CACNA1B: variants seen among roughly 807,000 people sequenced by gnomAD.
CACNA1B encodes voltage-dependent N-type calcium channel subunit alpha-1B.
Under a neutral mutation model 247.2 loss-of-function variants are expected in CACNA1B, and 70 were observed. That is an observed-to-expected ratio of 0.28 (90% CI 0.23 to 0.35). The LOEUF (loss-of-function observed/expected upper bound fraction) is 0.35, where lower values mean the gene tolerates loss of function less well. Ranked by LOEUF, CACNA1B falls within the 10% of genes least tolerant of loss-of-function variation. The pLI is 1.00. For synonymous variants in CACNA1B, 1,231 were observed against 1,294.4 expected, an observed-to-expected ratio of 0.95 and a Z score of 1.05; for missense variants, 2,367 against 3,197.4, an observed-to-expected ratio of 0.74 and a Z score of 6.26.
At chr9:138,055,011 G>A (rs1260827943) in intron 26 of CACNA1B, among the ~76,000 whole-genome samples, 2 of 152,102 alleles carry the variant, frequency 1.3e-5, no homozygotes, top group African/African-American at 4.8e-5. Flanking sequence ...ATCATGTAAT[G>A]TTCTGGACAG....
chr9:138,049,119 T>G, intron 23 of CACNA1B, 90 bp from the exon 24 acceptor site: 1 of 862,812 alleles, frequency 1.2e-6, no homozygotes, highest in Admixed American at 1.8e-5. Context: ...CCTCCCCAAG[T>G]GCTGAGATTA....
rs1368762355 is a variant in CACNA1B, at chr9:138,023,385, C to T, written c.2642C>T (p.Ala881Val). Reference sequence around the variant, plus strand: ...AAGGCGGAGAGCGGGGAGCCCGGTGCCCGGGAGGAGCGGCCGCGGCCGCAC... The same window carrying T: ...AAGGCGGAGAGCGGGGAGCCCGGTGTCCGGGAGGAGCGGCCGCGGCCGCAC... ...APKAESGEPG[A>V]REERPRPHRS... Residue 881 changes from alanine to valine, a missense_variant, in exon 19 of 47, where the codon GCC becomes GTC. Transcript: ENST00000371372. 1.5e-6 allele frequency: 2 copies of T among 1,375,080 alleles called. No individual in the cohort carries two copies. Among genetic ancestry groups the T allele is most frequent in the African/African-American group, 1.5e-5 (1 of 65,620 alleles). 85.2% of individuals were successfully genotyped at this position (1,375,080 alleles called of 1,614,324 possible).
chr9:137,941,962 AC>A (rs1411882663), intron 6 of CACNA1B, among the ~76,000 whole-genome samples: 3 of 152,216 alleles, frequency 2.0e-5, no homozygotes, highest in Non-Finnish European at 4.4e-5. Context: ...TGCAACAACA[AC>A]AAAAAAGATA....
At chr9:138,043,975 C>T in intron 21 of CACNA1B, 75 bp downstream of exon 21, 2 of 1,541,436 alleles carry the variant, frequency 1.3e-6, no homozygotes, top group Non-Finnish European at 1.8e-6. Flanking sequence ...TCTCAGTAGC[C>T]AGCGTGCACT....
rs188688494 is a variant in CACNA1B at position 137,973,864 on chromosome 9, A to G, written c.1544-2043A>G. Among the ~76,000 whole-genome samples, 38 of 152,234 alleles carry G rather than the reference A, an allele frequency of 2.5e-4. No individual in the cohort carries two copies. The highest frequency in any genetic ancestry group is 8.7e-4 in the African/African-American group (36 of 41,528). On this transcript the variant is annotated intron_variant, in intron 11 of 46. Transcript: ENST00000371372. This position sits in a 1 kb window ranked among gnomAD's most constrained non-coding sequence, Gnocchi z 4.1. Reference sequence around the variant, plus strand: ...GGAGGATTTCAGATCTCTTTCTCTGAAAGTTTTACCGTTTGCATTTCTTGT... The same window carrying G: ...GGAGGATTTCAGATCTCTTTCTCTGGAAGTTTTACCGTTTGCATTTCTTGT...
At chr9:137,922,574 A>G (rs1292859872) in intron 6 of CACNA1B, among the ~76,000 whole-genome samples, 1 of 152,172 alleles carries the variant, frequency 6.6e-6, no homozygotes, top group Admixed American at 6.5e-5. Flanking sequence ...TGCGTGGGTT[A>G]CAGGGAGGAG....
intron 20 of CACNA1B, among the ~76,000 whole-genome samples, chr9:138,040,309 C>T (rs982288513): frequency 6.6e-6 from 1 of 151,918 alleles, no homozygotes; most frequent in African/African-American, 2.4e-5. Context: ...TGAGTGCACT[C>T]ATTGTTTCTG....
At chr9:138,117,911 A>G in intron 42 of CACNA1B, 35 bp from the exon 43 acceptor site, 2 of 1,521,078 alleles carry the variant, frequency 1.3e-6, no homozygotes, top group Non-Finnish European at 1.8e-6. Context: ...GCAGTCTCTG[A>G]CCCTACAGGA....
chr9:138,120,654 G>A lies in CACNA1B; in HGVS notation c.6262G>A (p.Gly2088Arg). Residue 2088 changes from glycine (G) to arginine (R), a missense_variant, in exon 46 of 47, where the codon GGG (glycine) becomes AGG (arginine). Coordinates refer to ENST00000371372, the MANE Select transcript of CACNA1B (RefSeq NM_000718.4). ...DGAPSSAVGP[G>R]LPPGEGPTGC... ...AGCACCAAGCAGTGCTGTGGGGCCG[G>A]GGCTGCCCCCGGGAGAGGGGCCTAC... The A allele has an allele frequency of 6.6e-7, 1 of 1,506,626 alleles. No individual in the cohort carries two copies. 93.3% of individuals were successfully genotyped at this position (1,506,626 alleles called of 1,614,324 possible). A position where few individuals can be genotyped will look rare whatever the true frequency, so the allele number is the denominator to read the frequency against.
chr9:138,094,070 G>A (rs1399948865), intron 36 of CACNA1B, among the ~76,000 whole-genome samples: 2 of 152,154 alleles, frequency 1.3e-5, no homozygotes, highest in Non-Finnish European at 2.9e-5. Flanking sequence ...ACATTCAATG[G>A]ACTATAATTA....
intron 7 of CACNA1B, among the ~76,000 whole-genome samples, chr9:137,953,156 G>A (rs1339586071): frequency 6.6e-6 from 1 of 152,212 alleles, no homozygotes; most frequent in African/African-American, 2.4e-5. Context: ...GAGCTGAAGA[G>A]ATGCCATGTA....
intron 6 of CACNA1B, among the ~76,000 whole-genome samples, chr9:137,924,962 TGACCAGGGGGTTCCTGATACA>T (rs1314807232): frequency 6.6e-6 from 1 of 152,210 alleles, no homozygotes; most frequent in Non-Finnish European, 1.5e-5. Flanking sequence ...GTCCCGCCTG[TGACCAGGGGGTTCCTGATACA>T]GGAAGCTTGT....
chr9:137,986,097 CGAG>C lies in CACNA1B; in HGVS notation c.1770-313_1770-311del, dbSNP rs1304137985. 1.3e-5 allele frequency among the ~76,000 whole-genome samples: 2 copies of C among 152,024 alleles called. No individual in the cohort carries two copies. Among genetic ancestry groups the C allele is most frequent in the Non-Finnish European group, 2.9e-5 (2 of 67,990 alleles). The stretch of plus-strand genomic sequence containing the variant: ...TGAGGAGTGAGGGGCAGGGAGGGGC[CGAG>C]GATGAAGTTTGGGATTGGGCCTGGC... On this transcript the variant is annotated intron_variant, in intron 13 of 46. Transcript: ENST00000371372. This position sits in a 1 kb window ranked among gnomAD's most constrained non-coding sequence, Gnocchi z 6.0.
At chr9:138,076,830 G>C (rs531762562) in intron 35 of CACNA1B, among the ~76,000 whole-genome samples, 1 of 152,226 alleles carries the variant, frequency 6.6e-6, no homozygotes, top group Admixed American at 6.5e-5. Context: ...GCAGATGCGC[G>C]CTGGGGCGAG....
At chr9:138,061,806 C>G (rs1225866656) in intron 31 of CACNA1B, among the ~76,000 whole-genome samples, 1 of 152,234 alleles carries the variant, frequency 6.6e-6, no homozygotes, top group Non-Finnish European at 1.5e-5. Context: ...CAGCTTACCA[C>G]TAGGTGGCTG....
In CACNA1B at chr9:137,888,092, A is replaced by G. The variant is rs1957042209; in HGVS notation, c.530+5209A>G. On this transcript the variant is annotated intron_variant, in intron 3 of 46. Coordinates refer to ENST00000371372, the MANE Select transcript of CACNA1B (RefSeq NM_000718.4). This position sits in a 1 kb window ranked among gnomAD's most constrained non-coding sequence, Gnocchi z 4.7. ...TTGACTCGTGATGGGTGCTGGGGGC[A>G]CAGTGTAGACGGTAGGGAAGGAGAG... Among the ~76,000 whole-genome samples the G allele has an allele frequency of 1.3e-5, 2 of 151,260 alleles. No individual in the cohort carries two copies. Among genetic ancestry groups the G allele is most frequent in the East Asian group, 2.0e-4 (1 of 5,116 alleles).
chr9:137,970,770 G>A (rs1958136673), intron 10 of CACNA1B, among the ~76,000 whole-genome samples: 2 of 152,214 alleles, frequency 1.3e-5, no homozygotes, highest in South Asian at 4.1e-4. Flanking sequence ...GGAAAAGGCT[G>A]CTGGGTTGGG....
chr9:138,069,848 C>A, intron 32 of CACNA1B, 85 bp downstream of exon 32: 1 of 1,170,490 alleles, frequency 8.5e-7, no homozygotes, highest in Admixed American at 1.8e-5. Context: ...CCTGGGACTC[C>A]AGCCCACTGC....
In CACNA1B at chr9:138,025,150, T is replaced by C. The variant is rs768073146; in HGVS notation, c.3264T>C (p.Leu1088=). 3.7e-6 allele frequency: 6 copies of C among 1,611,814 alleles called. 1 individual carries two copies. The South Asian group carries it at 6.6e-5, about 18-fold the overall frequency. ...TCCCAGTGATGCTGACGGGCCCTCT[T>C]GGGGAAGCCACGGTCGTTCCCAGTG... ...VHIPVMLTGP[L]GEATVVPSGN... The change falls in exon 20 of 47, where the codon CTT becomes CTC. Residue 1088 remains leucine (L), a synonymous_variant. Transcript: ENST00000371372.
Sources: gnomAD v4.1 joint callset for allele counts (sites outside exome capture counted in the v4.1 genomes callset) on GRCh38, gnomAD v4.1.1 for gene constraint, Gnocchi (gnomAD v3.1) non-coding constraint, MANE v1.5 for transcripts, NCBI Gene and HGNC (gene_info 2026-07-23, HGNC 2026-07-21) for gene names.